Variants in PALM2AKAP2 observed in about 807,000 individuals in gnomAD.
The protein encoded by PALM2AKAP2 is PALM2-AKAP2 fusion protein.
Under a neutral mutation model 71.5 loss-of-function variants are expected in PALM2AKAP2, and 37 were observed. The ratio of observed to expected loss-of-function variants is 0.52; its 90% CI spans 0.40 to 0.68. PALM2AKAP2 has a LOEUF of 0.68. Among genes scored for constraint, PALM2AKAP2 ranks in the 30% least tolerant of loss-of-function variants. PALM2AKAP2 has a pLI of 0.00. For missense variants in PALM2AKAP2, 1,224 were observed against 1,191.8 expected (o/e 1.03, Z -0.40); for synonymous variants, 468 against 478.8 (o/e 0.98, Z 0.29).
At chr9:110,171,879 T>G (rs776258994) in exon 4 of PALM2AKAP2, 1 of 152,672 alleles carries the variant, frequency 6.5e-6, no homozygotes, top group Non-Finnish European at 1.5e-5. Context: ...ATGACTTGGC[T>G]TTCTCATCCA....
At chr9:109,776,904 A>T (rs915761772), upstream of PALM2AKAP2, among the ~76,000 whole-genome samples, 1 of 152,182 alleles carries the variant, frequency 6.6e-6, no homozygotes, top group Non-Finnish European at 1.5e-5. Flanking sequence ...TAGGAAGTAC[A>T]CACTATTGGT....
intron 7 of PALM2AKAP2, among the ~76,000 whole-genome samples, chr9:110,024,001 T>C (rs955091211): frequency 3.3e-5 from 5 of 152,154 alleles, no homozygotes; most frequent in African/African-American, 1.2e-4. Flanking sequence ...TTGCATAATA[T>C]CCAGTTGCCC....
At chr9:109,688,352 C>A (rs147419789) in intron 1 of PALM2AKAP2, among the ~76,000 whole-genome samples, 6 of 152,298 alleles carry the variant, frequency 3.9e-5, no homozygotes, top group African/African-American at 4.8e-5. Flanking sequence ...TTTGTAAACC[C>A]ATACTGGTCT....
At chr9:109,890,820 A>C (rs1830071831) in intron 3 of PALM2AKAP2, among the ~76,000 whole-genome samples, 1 of 152,214 alleles carries the variant, frequency 6.6e-6, no homozygotes, top group East Asian at 1.9e-4. Context: ...CAGAGTGAGG[A>C]GATACCAGTG....
intron 1 of PALM2AKAP2, among the ~76,000 whole-genome samples, chr9:109,693,851 T>C (rs1290465932): frequency 6.6e-6 from 1 of 152,054 alleles, no homozygotes; most frequent in East Asian, 1.9e-4. Flanking sequence ...TAGACTATAG[T>C]GTCTTCGTAA....
At chr9:110,091,679 G>A (rs890282028) in intron 1 of PALM2AKAP2, among the ~76,000 whole-genome samples, 5 of 151,990 alleles carry the variant, frequency 3.3e-5, no homozygotes, top group African/African-American at 1.2e-4. Flanking sequence ...AGCCAGGATG[G>A]TCTTGATCTC....
chr9:109,939,614 G>T (rs915800773), intron 6 of PALM2AKAP2, among the ~76,000 whole-genome samples: 4 of 152,174 alleles, frequency 2.6e-5, no homozygotes, highest in Admixed American at 2.6e-4. Context: ...ATAGTGATAA[G>T]ATATATTCTA....
intron 1 of PALM2AKAP2, among the ~76,000 whole-genome samples, chr9:109,659,521 TCCTTTGTGA>T (rs1242799411): frequency 6.6e-6 from 1 of 152,012 alleles, no homozygotes; most frequent in Non-Finnish European, 1.5e-5. Context: ...CAATACGTGG[TCCTTTGTGA>T]CTGGCTTCTT....
intron 7 of PALM2AKAP2, among the ~76,000 whole-genome samples, chr9:110,032,060 G>GAAAAA (rs560993508): frequency 1.7e-5 from 2 of 119,378 alleles, no homozygotes; most frequent in Non-Finnish European, 3.5e-5. Flanking sequence ...AGCTTACGGG[G>GAAAAA]AAAAAAAAAA....
intron 1 of PALM2AKAP2, among the ~76,000 whole-genome samples, chr9:110,118,451 T>C (rs990539902): frequency 1.3e-5 from 2 of 152,096 alleles, no homozygotes; most frequent in Non-Finnish European, 2.9e-5. Flanking sequence ...TTTCGCAACG[T>C]TGGCCAGGCT....
intron 2 of PALM2AKAP2, among the ~76,000 whole-genome samples, chr9:110,143,739 C>T (rs1836093314): frequency 6.6e-6 from 1 of 152,094 alleles, no homozygotes; most frequent in Non-Finnish European, 1.5e-5. Flanking sequence ...GTTTTCATGC[C>T]AGATGTTGAA....
intron 1 of PALM2AKAP2, chr9:109,862,963 C>A: frequency 2.0e-6 from 1 of 508,648 alleles, no homozygotes; most frequent in Non-Finnish European, 3.9e-6. Flanking sequence ...TGAGATGAAG[C>A]TGTGAAATAG....
intron 1 of PALM2AKAP2, among the ~76,000 whole-genome samples, chr9:110,070,699 C>T (rs1186152397): frequency 1.3e-5 from 2 of 152,230 alleles, no homozygotes; most frequent in Non-Finnish European, 2.9e-5. Flanking sequence ...TGACTCCATG[C>T]TGTACCATAG....
chr9:109,959,440 C>A (rs958183099), intron 6 of PALM2AKAP2, among the ~76,000 whole-genome samples: 1 of 151,842 alleles, frequency 6.6e-6, no homozygotes, highest in Non-Finnish European at 1.5e-5. Context: ...CTCAGGAGAT[C>A]GAGACCATCC....
chr9:109,767,787 G>C (rs1477128912), intron 1 of PALM2AKAP2, among the ~76,000 whole-genome samples: 1 of 152,156 alleles, frequency 6.6e-6, no homozygotes, highest in Non-Finnish European at 1.5e-5. Context: ...CTAAGTTACA[G>C]TGTGCACTTC....
chr9:109,840,599 C>A lies in PALM2AKAP2; in HGVS notation c.46-26892C>A, dbSNP rs868801068. ...ACAGGCAACCTACAGAATGGGAGAA[C>A]ATTTTTGCAATCTGCTCATCTGACA... On this transcript the variant is annotated intron_variant, in intron 1 of 9. Transcript: ENST00000302798. Among the ~76,000 whole-genome samples, 23 of 152,200 alleles carry A rather than the reference C, an allele frequency of 1.5e-4. No individual in the cohort carries two copies. In the South Asian group the frequency reaches 4.6e-3, roughly 30 times the overall value.
intron 6 of PALM2AKAP2, among the ~76,000 whole-genome samples, chr9:109,974,942 C>T (rs1832144790): frequency 6.6e-6 from 1 of 152,188 alleles, no homozygotes; most frequent in South Asian, 2.1e-4. Flanking sequence ...CCAAATGTCA[C>T]ATCTCCAGGG....
rs151277265 is a variant in PALM2AKAP2, at chr9:110,020,501, G to C, written c.582+4462G>C. Reference sequence around the variant, plus strand: ...AGTTCAAGACCAGCCTGGCCAACATGATGAAACCCCATCTCTACTAAAAAT... The same window carrying C: ...AGTTCAAGACCAGCCTGGCCAACATCATGAAACCCCATCTCTACTAAAAAT... On this transcript the variant is annotated intron_variant, in intron 7 of 9. Transcript: ENST00000302798. 4.4e-3 allele frequency among the ~76,000 whole-genome samples: 676 copies of C among 152,138 alleles called. 5 individuals are homozygous for C. Among genetic ancestry groups the C allele is most frequent in the African/African-American group, 0.015 (642 of 41,494 alleles).
Position 109,923,970 on chromosome 9 carries a change from A to C in PALM2AKAP2, c.372+121A>C, listed in dbSNP as rs530472430. ...ATGAGAAATCTGAGCCACGAACTCT[A>C]TGAAATGAGGGGCAGATGTGTGAGG... is the stretch of plus-strand genomic sequence containing the variant. On this transcript the variant is annotated intron_variant, in intron 4 of 9. Transcript: ENST00000302798. The C allele has an allele frequency of 3.6e-5, 38 of 1,048,016 alleles. No individual in the cohort carries two copies. In the African/African-American group the frequency reaches 4.5e-4, roughly 13 times the overall value. The allele number at this position is 1,048,016 out of a possible 1,614,324, so 64.9% of individuals were successfully genotyped here. A position where few individuals can be genotyped will look rare whatever the true frequency, so the allele number is the denominator to read the frequency against.
Sources: gnomAD v4.1 joint callset for allele counts (sites outside exome capture counted in the v4.1 genomes callset) on GRCh38, gnomAD v4.1.1 for gene constraint, MANE v1.5 for transcripts, NCBI Gene and HGNC (gene_info 2026-07-23, HGNC 2026-07-21) for gene names.